DEPDC5: variants seen among roughly 807,000 people sequenced by gnomAD.
DEPDC5 encodes GATOR1 complex protein DEPDC5.
Under a neutral mutation model 217.3 loss-of-function variants are expected in DEPDC5, and 73 were observed. That is an observed-to-expected ratio of 0.34 (90% CI 0.28 to 0.41). The LOEUF (loss-of-function observed/expected upper bound fraction) is 0.41. Ranked by LOEUF, DEPDC5 falls within the 10% of genes least tolerant of loss-of-function variation. The probability of loss-of-function intolerance (pLI) is 1.00; values close to 1 mark genes in which losing one functional copy is unlikely to be tolerated. For synonymous variants in DEPDC5, 733 were observed against 756.7 expected (o/e 0.97, Z 0.51); for missense variants, 1,675 against 2,070.1 (o/e 0.81, Z 3.70).
intron 24 of DEPDC5, among the ~76,000 whole-genome samples, chr22:31,832,511 G>T (rs2090682865): frequency 6.6e-6 from 1 of 151,498 alleles, no homozygotes; most frequent in African/African-American, 2.4e-5. Context: ...TTTTGAGACG[G>T]GGTCTTGCTC....
intron 38 of DEPDC5, among the ~76,000 whole-genome samples, chr22:31,888,841 C>T (rs73884227): frequency 2.6e-5 from 4 of 152,216 alleles, no homozygotes; most frequent in East Asian, 1.9e-4. Flanking sequence ...CCACTGCGCT[C>T]GGCCCCAGCC....
intron 4 of DEPDC5, among the ~76,000 whole-genome samples, chr22:31,764,660 C>T (rs2148095388): frequency 6.6e-6 from 1 of 152,300 alleles, no homozygotes; most frequent in South Asian, 2.1e-4. Flanking sequence ...AGGTGATCTT[C>T]CTGCCTAGAC....
intron 38 of DEPDC5, among the ~76,000 whole-genome samples, chr22:31,884,089 G>A (rs1227172030): frequency 1.3e-5 from 2 of 152,074 alleles, no homozygotes; most frequent in African/African-American, 4.8e-5. Flanking sequence ...ACAGCTTTGA[G>A]CCCCGCTCCC....
intron 31 of DEPDC5, among the ~76,000 whole-genome samples, chr22:31,854,013 C>T (rs1304251845): frequency 6.6e-6 from 1 of 152,236 alleles, no homozygotes; most frequent in African/African-American, 2.4e-5. Context: ...GTGTCTTCCT[C>T]CTGCCCACCC....
rs183123206 is a variant in DEPDC5 at position 31,880,881 on chromosome 22, A to T, written c.4033+1129A>T. Among the ~76,000 whole-genome samples the T allele has an allele frequency of 2.0e-5, 3 of 152,236 alleles. No homozygotes were observed. The East Asian group carries it at 5.8e-4, about 29-fold the overall frequency. On this transcript the variant is annotated intron_variant, in intron 38 of 42. Transcript: ENST00000651528. Reference sequence around the variant, plus strand: ...CTACTAAAAATACAAAAAATTAGCCAGGCGTGACAGTGTGCACCAGGTACT... The same window carrying T: ...CTACTAAAAATACAAAAAATTAGCCTGGCGTGACAGTGTGCACCAGGTACT...
chr22:31,783,022 C>T (rs1030949634), intron 8 of DEPDC5, among the ~76,000 whole-genome samples: 2 of 152,156 alleles, frequency 1.3e-5, no homozygotes, highest in African/African-American at 4.8e-5. Flanking sequence ...GCTGGACTTC[C>T]TGGGTCGAGT....
intron 41 of DEPDC5, among the ~76,000 whole-genome samples, chr22:31,905,443 A>C (rs1213853453): frequency 6.6e-6 from 1 of 151,286 alleles, no homozygotes; most frequent in Non-Finnish European, 1.5e-5. Flanking sequence ...ATGCCATTGC[A>C]CTCCAGTCTG....
chr22:31,758,007 G>A lies in DEPDC5; in HGVS notation c.59-539G>A, dbSNP rs1473952089. Among the ~76,000 whole-genome samples, 3 of 152,192 alleles carry A rather than the reference G, an allele frequency of 2.0e-5. No individual in the cohort carries two copies. The East Asian group carries it at 5.8e-4, about 29-fold the overall frequency. On this transcript the variant is annotated intron_variant, in intron 2 of 42. Coordinates refer to ENST00000651528, the MANE Select transcript of DEPDC5 (RefSeq NM_001242896.3). ...TTGAACTCCTGACCTCAGGTGATCT[G>A]TCCATCTCGGCCTCTCAAAGTATTG...
intron 38 of DEPDC5, among the ~76,000 whole-genome samples, chr22:31,891,887 A>G (rs1476909770): frequency 6.6e-6 from 1 of 152,214 alleles, no homozygotes; most frequent in East Asian, 1.9e-4. Flanking sequence ...TAGCCTGGTC[A>G]GGAACTTGAT....
At chr22:31,760,560 T>C in intron 3 of DEPDC5, 96 bp from the exon 4 acceptor site, 1 of 1,047,738 alleles carries the variant, frequency 9.5e-7, no homozygotes, top group Non-Finnish European at 1.4e-6. Flanking sequence ...AGTCACAGAA[T>C]GGCCAGAGTG....
Position 31,906,742 on chromosome 22 carries a change from C to G in DEPDC5, c.*245C>G. On this transcript the variant is annotated 3_prime_UTR_variant, in exon 43 of 43. Coordinates refer to ENST00000651528, the MANE Select transcript of DEPDC5 (RefSeq NM_001242896.3). This position sits in a 1 kb window ranked among gnomAD's most constrained non-coding sequence, Gnocchi z 5.1. The stretch of plus-strand genomic sequence containing the variant: ...CTGCCACCACTCCTGTCAGCAAGTG[C>G]TCAGAGCAGGTGGGAGGCACAGATT... The G allele has an allele frequency of 1.7e-6, 1 of 591,012 alleles. No individual in the cohort carries two copies. The highest frequency in any genetic ancestry group is 3.0e-6 in the Non-Finnish European group (1 of 335,998). The allele number at this position is 591,012 out of a possible 1,614,324, so 36.6% of individuals were successfully genotyped here.
At chr22:31,771,048 A>G (rs762467880) in intron 7 of DEPDC5, among the ~76,000 whole-genome samples, 2 of 152,160 alleles carry the variant, frequency 1.3e-5, no homozygotes, top group South Asian at 2.1e-4. Context: ...CTCCCAAAGC[A>G]CTGGGATTAT....
chr22:31,881,270 C>T (rs527244712), intron 38 of DEPDC5, among the ~76,000 whole-genome samples: 74 of 146,996 alleles, frequency 5.0e-4, no homozygotes, highest in African/African-American at 1.4e-3. Flanking sequence ...CCATTGTACT[C>T]TAGAGCGAGA....
At chr22:31,882,795 C>CT (rs906760130) in intron 38 of DEPDC5, among the ~76,000 whole-genome samples, 19 of 151,186 alleles carry the variant, frequency 1.3e-4, no homozygotes, top group Non-Finnish European at 2.7e-4. Context: ...CTCTTCTCTT[C>CT]TTTTTAAAAA....
rs200465447 is a variant in DEPDC5 at position 31,837,087 on chromosome 22, C to T, written c.2286C>T (p.Asp762=). The change falls in exon 26 of 43, where the codon GAC becomes GAT. Residue 762 remains aspartate (D), a synonymous_variant. Coordinates refer to ENST00000651528, the MANE Select transcript of DEPDC5 (RefSeq NM_001242896.3). ...CLPLTTDYFP[D]RQGLQNDYTE... The stretch of plus-strand genomic sequence containing the variant: ...CCCTTACCACCGACTACTTCCCTGA[C>T]CGCCAGGGCCTGCAGAATGACTACA... 244 of 1,614,228 alleles carry T rather than the reference C, an allele frequency of 1.5e-4. 1 individual carries two copies. The Middle Eastern group carries it at 2.3e-3, about 15-fold the overall frequency.
At chr22:31,844,525 C>T (rs950775708) in intron 29 of DEPDC5, among the ~76,000 whole-genome samples, 3 of 152,146 alleles carry the variant, frequency 2.0e-5, no homozygotes, top group Admixed American at 6.5e-5. Context: ...GCCTTCTTAA[C>T]GTTCTCTCCA....
At chr22:31,787,039 C>G (rs1170815317) in intron 10 of DEPDC5, among the ~76,000 whole-genome samples, 1 of 151,782 alleles carries the variant, frequency 6.6e-6, no homozygotes, top group Non-Finnish European at 1.5e-5. Flanking sequence ...CTCGGCCTCC[C>G]AAAGTGTTGG....
At chr22:31,805,620 C>T (rs566875030) in intron 17 of DEPDC5, among the ~76,000 whole-genome samples, 9 of 152,080 alleles carry the variant, frequency 5.9e-5, no homozygotes, top group Non-Finnish European at 1.0e-4. Context: ...CTTGCCTCAG[C>T]CTCCTGCGTA....
chr22:31,856,389 G>T (rs1234684578), intron 31 of DEPDC5, among the ~76,000 whole-genome samples: 2 of 152,104 alleles, frequency 1.3e-5, no homozygotes. Flanking sequence ...GACCTGCCTC[G>T]CACTGTCCAT....
Sources: gnomAD v4.1 joint callset for allele counts (sites outside exome capture counted in the v4.1 genomes callset) on GRCh38, gnomAD v4.1.1 for gene constraint, Gnocchi (gnomAD v3.1) non-coding constraint, MANE v1.5 for transcripts, NCBI Gene and HGNC (gene_info 2026-07-23, HGNC 2026-07-21) for gene names.